PLA2G6: variants seen among roughly 807,000 people sequenced by gnomAD.
PLA2G6 encodes the protein phospholipase A2 group VI, also known as 85/88 kDa calcium-independent phospholipase A2.
PLA2G6 carries 62 observed loss-of-function variants against 83.8 expected under a neutral mutation model. The ratio of observed to expected loss-of-function variants is 0.74; its 90% CI spans 0.60 to 0.91. PLA2G6 has a LOEUF of 0.91. Ranked by LOEUF, PLA2G6 falls within the 40% of genes least tolerant of loss-of-function variation. PLA2G6 has a pLI of 0.00. For synonymous variants in PLA2G6, 417 were observed against 449.8 expected, an observed-to-expected ratio of 0.93 and a Z score of 0.92; for missense variants, 944 against 1,102.0, an observed-to-expected ratio of 0.86 and a Z score of 2.03.
intron 1 of PLA2G6, among the ~76,000 whole-genome samples, chr22:38,175,393 C>T (rs2090594905): frequency 6.6e-6 from 1 of 152,120 alleles, no homozygotes; most frequent in African/African-American, 2.4e-5. Flanking sequence ...GCCCCATGAC[C>T]TCCCAGGGAA....
At chr22:38,179,428 T>C (rs2090761393) in intron 1 of PLA2G6, among the ~76,000 whole-genome samples, 1 of 152,068 alleles carries the variant, frequency 6.6e-6, no homozygotes, top group Non-Finnish European at 1.5e-5. Context: ...GGGAGGGACA[T>C]GTTTTGGTGA....
intron 10 of PLA2G6, among the ~76,000 whole-genome samples, chr22:38,124,664 C>T (rs1026330581): frequency 2.0e-5 from 3 of 152,162 alleles, no homozygotes; most frequent in Admixed American, 2.0e-4. Flanking sequence ...TTTACTCTCT[C>T]CTGCGCTGAC....
chr22:38,166,777 C>A (rs190540341), intron 2 of PLA2G6, among the ~76,000 whole-genome samples: 1 of 152,192 alleles, frequency 6.6e-6, no homozygotes, highest in Admixed American at 6.5e-5. Context: ...CACAGCAGCA[C>A]AGAGAAATGA....
At chr22:38,145,922 G>A (rs1405253422) in intron 2 of PLA2G6, 2 of 467,040 alleles carry the variant, frequency 4.3e-6, no homozygotes, top group Non-Finnish European at 7.9e-6. Flanking sequence ...AACCCAGGCT[G>A]GGGTGCGGTG....
intron 14 of PLA2G6, chr22:38,113,969 G>T: frequency 2.2e-6 from 1 of 460,132 alleles, no homozygotes; most frequent in South Asian, 1.9e-5. Context: ...CGTGGCCAGG[G>T]GAGGAAAGGC....
intron 2 of PLA2G6, among the ~76,000 whole-genome samples, chr22:38,156,579 G>A (rs10427908): frequency 2.0e-5 from 3 of 151,860 alleles, no homozygotes; most frequent in Non-Finnish European, 4.4e-5. Context: ...TCAGCCTCCT[G>A]AGTAGCTGGG....
chr22:38,114,611 G>A (rs944380055), intron 14 of PLA2G6, among the ~76,000 whole-genome samples: 5 of 152,196 alleles, frequency 3.3e-5, no homozygotes, highest in African/African-American at 1.2e-4. Context: ...ACTGGCTAGT[G>A]TCTGACAGTC....
intron 1 of PLA2G6, among the ~76,000 whole-genome samples, chr22:38,174,433 A>G (rs2090555898): frequency 6.6e-6 from 1 of 152,142 alleles, no homozygotes; most frequent in Non-Finnish European, 1.5e-5. Context: ...CGAAGAAACA[A>G]AAAACCTCGA....
At chr22:38,177,763 C>T (rs1404946181) in intron 1 of PLA2G6, among the ~76,000 whole-genome samples, 1 of 152,060 alleles carries the variant, frequency 6.6e-6, no homozygotes, top group Non-Finnish European at 1.5e-5. Context: ...TGCGCCCGGC[C>T]GAATTGCCAC....
chr22:38,125,218 TTGCATGTG>T (rs1199567223), intron 10 of PLA2G6, among the ~76,000 whole-genome samples: 4 of 152,048 alleles, frequency 2.6e-5, no homozygotes, highest in Non-Finnish European at 5.9e-5. Context: ...GCACGTGTGT[TTGCATGTG>T]TGCATGTGTG....
chr22:38,172,116 C>A (rs2090459813), intron 1 of PLA2G6, among the ~76,000 whole-genome samples: 1 of 152,224 alleles, frequency 6.6e-6, no homozygotes, highest in Admixed American at 6.5e-5. Context: ...CTACCAAACA[C>A]TCCTGTGCAT....
At chr22:38,164,041 C>T (rs1263182925) in intron 2 of PLA2G6, among the ~76,000 whole-genome samples, 1 of 152,130 alleles carries the variant, frequency 6.6e-6, no homozygotes, top group Non-Finnish European at 1.5e-5. Context: ...TGCTGAGATA[C>T]CAGTGAGAGG....
chr22:38,134,093 G>A (rs1355248108), intron 6 of PLA2G6: 1 of 152,132 alleles, frequency 6.6e-6, no homozygotes, highest in Non-Finnish European at 1.5e-5. Flanking sequence ...ATGTGAAAAG[G>A]CTAGACTGGC....
At chr22:38,126,282 A>G (rs1478325394) in intron 10 of PLA2G6, 89 bp downstream of exon 10, 1 of 957,570 alleles carries the variant, frequency 1.0e-6, no homozygotes, top group Non-Finnish European at 1.7e-6. Context: ...GGGTGCAGAG[A>G]GTAAAGCCCT....
chr22:38,152,141 C>G (rs1042949506), intron 2 of PLA2G6, among the ~76,000 whole-genome samples: 1 of 152,070 alleles, frequency 6.6e-6, no homozygotes, highest in African/African-American at 2.4e-5. Context: ...TGAATGAATG[C>G]CCTCCCTGTG....
chr22:38,127,834 G>A (rs934090758), intron 9 of PLA2G6, among the ~76,000 whole-genome samples: 1 of 152,178 alleles, frequency 6.6e-6, no homozygotes, highest in African/African-American at 2.4e-5. Flanking sequence ...GCCAGGAAGG[G>A]GGCACACAGG....
chr22:38,129,375 C>T, intron 8 of PLA2G6, 79 bp downstream of exon 8: 4 of 991,464 alleles, frequency 4.0e-6, no homozygotes, highest in South Asian at 1.3e-5. Flanking sequence ...GCACCTGATG[C>T]CTGGGACTTC....
In PLA2G6 at chr22:38,120,790, G is replaced by A; in HGVS notation, c.1711C>T (p.His571Tyr). ...TTCCTGACGTCCGTCATCTTGGTGT[G>A]CTCCCCAAACTCCCGCTTCAGGAAC... ...EEFLKREFGE[H>Y]TKMTDVRKPK... Residue 571 changes from histidine to tyrosine, a missense_variant, in exon 12 of 17, where the codon CAC (histidine) becomes TAC (tyrosine). By Grantham distance (83) the His-to-Tyr change is moderately conservative. Coordinates refer to ENST00000332509, the MANE Select transcript of PLA2G6 (RefSeq NM_003560.4). 1 of 1,613,832 alleles carries A rather than the reference G, an allele frequency of 6.2e-7. No homozygotes were observed. The highest frequency in any genetic ancestry group is 1.6e-4 in the Middle Eastern group (1 of 6,062).
At position 38,132,922 on chromosome 22, in the gene PLA2G6, C is replaced by A. The variant is rs587784363; in HGVS notation, c.986G>T (p.Arg329Leu). 6.4e-7 allele frequency: 1 copy of A among 1,558,240 alleles called. No individual in the cohort carries two copies. Among genetic ancestry groups the A allele is most frequent in the Non-Finnish European group, 8.7e-7 (1 of 1,151,528 alleles). Residue 329 changes from arginine to leucine, a missense_variant, in exon 7 of 17, where the codon CGC (arginine) becomes CTC (leucine). Arg to Leu is a moderately radical substitution (Grantham distance 102). Transcript: ENST00000332509. The surrounding 1 kb of genome is among the most constrained non-coding windows in gnomAD (Gnocchi z 5.0). Reference sequence around the variant, plus strand: ...CAGCAGCACTATGGCACAGTCGAAGCGGTTGCGCATCACCGCCACGTGCAG... The same window carrying A: ...CAGCAGCACTATGGCACAGTCGAAGAGGTTGCGCATCACCGCCACGTGCAG... Reference protein sequence around the residue: ...TALHVAVMRNRFDCAIVLLTH... With the variant: ...TALHVAVMRNLFDCAIVLLTH...
Sources: gnomAD v4.1 joint callset for allele counts (sites outside exome capture counted in the v4.1 genomes callset) on GRCh38, gnomAD v4.1.1 for gene constraint, Gnocchi (gnomAD v3.1) non-coding constraint, MANE v1.5 for transcripts, NCBI Gene and HGNC (gene_info 2026-07-23, HGNC 2026-07-21) for gene names.